NCKAP5: variants seen among roughly 807,000 people sequenced by gnomAD.
NCKAP5 encodes nck-associated protein 5.
A neutral mutation model predicts 167.0 loss-of-function variants in NCKAP5; 92 were observed. The ratio of observed to expected loss-of-function variants is 0.55; its 90% CI spans 0.47 to 0.66. The LOEUF (loss-of-function observed/expected upper bound fraction) is 0.66, where lower values mean the gene tolerates loss of function less well. Ranked by LOEUF, NCKAP5 falls within the 30% of genes least tolerant of loss-of-function variation. The pLI is 0.00. For missense variants in NCKAP5, 2,378 were observed against 2,315.0 expected, an observed-to-expected ratio of 1.03 and a Z score of -0.56; for synonymous variants, 891 against 877.4, an observed-to-expected ratio of 1.02 and a Z score of -0.27.
the NCKAP5 span, among the ~76,000 whole-genome samples, chr2:133,647,473 G>GAAGGAAAGGAAAGGAAAGCA: frequency 1.6e-5 from 1 of 62,600 alleles, no homozygotes; most frequent in African/African-American, 7.5e-5. Flanking sequence ...AAGGGCAAGG[G>GAAGGAAAGGAAAGGAAAGCA]AAGGAAAGGA....
intron 19 of NCKAP5, among the ~76,000 whole-genome samples, chr2:132,684,738 G>A (rs1265071163): frequency 1.3e-5 from 2 of 152,170 alleles, no homozygotes; most frequent in Non-Finnish European, 2.9e-5. Context: ...AAGATGTTGT[G>A]TGACATGGCA....
rs186833592 is a variant in NCKAP5 at position 132,834,481 on chromosome 2, A to C, written c.807+26011T>G. ...TGCCTCAGCCTCCCGAGTACCTGGGACTACAGGCACCCACCACCATGCCTG... is the reference window on the plus strand; with the variant it reads ...TGCCTCAGCCTCCCGAGTACCTGGGCCTACAGGCACCCACCACCATGCCTG... On this transcript the variant is annotated intron_variant, in intron 11 of 19. Transcript: ENST00000409261. 9.5e-4 allele frequency among the ~76,000 whole-genome samples: 144 copies of C among 152,216 alleles called. 4 individuals carry two copies. In the East Asian group the frequency reaches 0.028, roughly 29 times the overall value.
At chr2:133,524,236 T>C (rs531684873) in intron 2 of NCKAP5, among the ~76,000 whole-genome samples, 1 of 152,304 alleles carries the variant, frequency 6.6e-6, no homozygotes, top group East Asian at 1.9e-4. Flanking sequence ...CGTCCTCTTC[T>C]CAAAGGCTGA....
At chr2:132,872,581 A>C (rs1202419977) in intron 9 of NCKAP5, among the ~76,000 whole-genome samples, 2 of 152,122 alleles carry the variant, frequency 1.3e-5, no homozygotes, top group Non-Finnish European at 2.9e-5. Flanking sequence ...GAGGGTGGAG[A>C]AGCTTCAGGT....
chr2:133,668,800 C>T, the NCKAP5 span, among the ~76,000 whole-genome samples: 6,153 of 152,188 alleles, frequency 0.04, 302 homozygotes, highest in East Asian at 0.18. Context: ...TTCAAATATT[C>T]TTTCTGCTCC....
intron 11 of NCKAP5, among the ~76,000 whole-genome samples, chr2:132,837,030 A>C (rs534834452): frequency 6.6e-6 from 1 of 152,280 alleles, no homozygotes; most frequent in South Asian, 2.1e-4. Context: ...CCCCATGCTT[A>C]ATTAACATTT....
chr2:133,251,643 A>G (rs1559318428), intron 4 of NCKAP5, among the ~76,000 whole-genome samples: 2 of 152,234 alleles, frequency 1.3e-5, no homozygotes, highest in South Asian at 4.1e-4. Flanking sequence ...ATGCAATAAT[A>G]GTTCTTATTT....
the NCKAP5 span, among the ~76,000 whole-genome samples, chr2:133,577,044 C>T: frequency 6.6e-6 from 1 of 152,164 alleles, no homozygotes; most frequent in Non-Finnish European, 1.5e-5. Context: ...TAAGGCAACT[C>T]ATAGAAATGC....
chr2:133,038,722 T>C (rs1457759457), intron 6 of NCKAP5, among the ~76,000 whole-genome samples: 1 of 152,094 alleles, frequency 6.6e-6, no homozygotes, highest in East Asian at 1.9e-4. Context: ...ATCAAAACAC[T>C]GCATGTAACC....
In NCKAP5 at chr2:133,085,731, C is replaced by T. The variant is rs112805363; in HGVS notation, c.341+44247G>A. Among the ~76,000 whole-genome samples the T allele has an allele frequency of 8.7e-4, 132 of 152,246 alleles. 1 individual carries two copies. Among genetic ancestry groups the T allele is most frequent in the Middle Eastern group, 3.4e-3 (1 of 292 alleles). ...GGCTAATTAATTCATCGCTGGTTTC[C>T]ATAAACTGGCTCACCCTTGGAGAAC... On this transcript the variant is annotated intron_variant, in intron 6 of 19. Transcript: ENST00000409261.
the NCKAP5 span, among the ~76,000 whole-genome samples, chr2:133,590,916 CAT>C: frequency 1.0e-5 from 1 of 98,536 alleles, no homozygotes; most frequent in African/African-American, 5.4e-5. Flanking sequence ...TTTGTGTGTG[CAT>C]GTGTGTGTGA....
chr2:133,419,033 A>G (rs1006441839), intron 3 of NCKAP5, among the ~76,000 whole-genome samples: 9 of 152,186 alleles, frequency 5.9e-5, no homozygotes, highest in African/African-American at 2.2e-4. Flanking sequence ...TTTGCACTAC[A>G]AGACATGTAA....
chr2:132,755,674 C>T (rs1680478061), intron 16 of NCKAP5, among the ~76,000 whole-genome samples: 1 of 151,416 alleles, frequency 6.6e-6, no homozygotes, highest in Non-Finnish European at 1.5e-5. Flanking sequence ...ACTAAAAATA[C>T]AAAAATTAGC....
chr2:133,304,924 C>T (rs1680672652), intron 3 of NCKAP5, among the ~76,000 whole-genome samples: 1 of 152,096 alleles, frequency 6.6e-6, no homozygotes, highest in African/African-American at 2.4e-5. Flanking sequence ...AGCTTTGTCA[C>T]GTGAAGACTC....
chr2:132,855,169 C>G (rs910198429), intron 11 of NCKAP5, among the ~76,000 whole-genome samples: 14 of 152,272 alleles, frequency 9.2e-5, no homozygotes, highest in Non-Finnish European at 2.1e-4. Context: ...TTCAAAGTGT[C>G]CCTTACCTCT....
chr2:133,308,778 G>T (rs1486653650), intron 3 of NCKAP5, among the ~76,000 whole-genome samples: 2 of 128,366 alleles, frequency 1.6e-5, no homozygotes, highest in African/African-American at 3.0e-5. Flanking sequence ...GCGCAATCTC[G>T]GCTCACTGCA....
At chr2:133,623,555 A>G in the NCKAP5 span, among the ~76,000 whole-genome samples, 1 of 152,164 alleles carries the variant, frequency 6.6e-6, no homozygotes, top group Non-Finnish European at 1.5e-5. Context: ...AAAAATGTTC[A>G]ACACCACTAA....
chr2:132,823,378 G>A (rs1686901378), intron 11 of NCKAP5, among the ~76,000 whole-genome samples: 1 of 152,110 alleles, frequency 6.6e-6, no homozygotes. Flanking sequence ...TAAGCCAGAA[G>A]GGATTGGGGT....
chr2:133,030,979 T>A (rs2078860598), intron 6 of NCKAP5, among the ~76,000 whole-genome samples: 4 of 152,140 alleles, frequency 2.6e-5, no homozygotes, highest in Admixed American at 2.6e-4. Context: ...GATATATGCA[T>A]TAAGGGACCA....
Sources: gnomAD v4.1 joint callset for allele counts (sites outside exome capture counted in the v4.1 genomes callset) on GRCh38, gnomAD v4.1.1 for gene constraint, MANE v1.5 for transcripts, NCBI Gene and HGNC (gene_info 2026-07-23, HGNC 2026-07-21) for gene names.